ERC2: variants seen among roughly 807,000 people sequenced by gnomAD.
ERC2 encodes the protein ELKS/RAB6-interacting/CAST family member 2, also known as ERC protein 2.
ERC2 carries 42 observed loss-of-function variants against 114.8 expected under a neutral mutation model. That is an observed-to-expected ratio of 0.37 (90% confidence interval 0.29 to 0.47). ERC2 has a LOEUF of 0.47. ERC2 is among the 20% of genes least tolerant of loss of function. The pLI is 0.99. For missense variants in ERC2, 939 were observed against 1,150.7 expected, an observed-to-expected ratio of 0.82 and a Z score of 2.66; for synonymous variants, 454 against 425.5, an observed-to-expected ratio of 1.07 and a Z score of -0.82.
chr3:55,927,928 T>G (rs185877537), intron 13 of ERC2, among the ~76,000 whole-genome samples: 1 of 152,322 alleles, frequency 6.6e-6, no homozygotes, highest in Admixed American at 6.5e-5. Flanking sequence ...TTGTTGCAAA[T>G]GACAGGATCT....
chr3:55,998,655 C>T (rs1015211835), intron 10 of ERC2, among the ~76,000 whole-genome samples: 4 of 152,154 alleles, frequency 2.6e-5, no homozygotes, highest in Non-Finnish European at 5.9e-5. Context: ...AAAGAAACTG[C>T]TATATCCAAA....
rs544171236 is a variant in ERC2 at position 55,604,754 on chromosome 3, T to A, written c.*39+79040A>T. Among the ~76,000 whole-genome samples the A allele has an allele frequency of 2.0e-5, 3 of 152,342 alleles. No homozygotes were observed. In the South Asian group the frequency reaches 6.2e-4, roughly 32 times the overall value. On this transcript the variant is annotated intron_variant, in intron 17 of 17. Transcript: ENST00000288221. ...AAGATCACTCTGCCAACTTGCCTGA[T>A]GAATTTATGCCTTATGCCCTTGATC...
chr3:56,056,277 T>C (rs1240493288), intron 7 of ERC2, among the ~76,000 whole-genome samples: 2 of 152,184 alleles, frequency 1.3e-5, no homozygotes, highest in African/African-American at 4.8e-5. Context: ...AAAGTCCCCA[T>C]AAAGAGAGGG....
intron 14 of ERC2, among the ~76,000 whole-genome samples, chr3:55,813,952 C>T (rs1048856371): frequency 1.1e-4 from 16 of 152,108 alleles, no homozygotes; most frequent in African/African-American, 3.1e-4. Context: ...GGGAATGCTA[C>T]AAAACCCACT....
chr3:56,327,373 C>T (rs200461034), intron 2 of ERC2, among the ~76,000 whole-genome samples: 10 of 152,236 alleles, frequency 6.6e-5, no homozygotes, highest in African/African-American at 9.6e-5. Context: ...GAGAACAGCA[C>T]GGGGGAAACT....
chr3:55,824,252 C>T (rs1298421931), intron 14 of ERC2, among the ~76,000 whole-genome samples: 1 of 152,100 alleles, frequency 6.6e-6, no homozygotes, highest in Non-Finnish European at 1.5e-5. Flanking sequence ...TAATACTATT[C>T]GTGATTCTCC....
chr3:56,050,389 G>A (rs931022116), intron 7 of ERC2, among the ~76,000 whole-genome samples: 5 of 152,226 alleles, frequency 3.3e-5, no homozygotes, highest in Admixed American at 2.6e-4. Flanking sequence ...GAAACAAGCT[G>A]GTGGATTGTT....
chr3:56,112,157 T>C (rs1456546233), intron 6 of ERC2, among the ~76,000 whole-genome samples: 1 of 152,196 alleles, frequency 6.6e-6, no homozygotes, highest in East Asian at 1.9e-4. Context: ...ATCAAGCTAA[T>C]TTAAGTCAAT....
chr3:56,306,628 C>A (rs114332606), intron 2 of ERC2, among the ~76,000 whole-genome samples: 1,901 of 152,254 alleles, frequency 0.012, 17 homozygotes, highest in South Asian at 0.025. Flanking sequence ...TCAGGTGGGG[C>A]AGGGAGGCTC....
At chr3:55,645,064 C>T (rs375685004) in intron 17 of ERC2, among the ~76,000 whole-genome samples, 28 of 152,238 alleles carry the variant, frequency 1.8e-4, no homozygotes, top group Middle Eastern at 3.4e-3. Flanking sequence ...GGGTACTTGT[C>T]TTTGACAGGG....
At position 55,952,759 on chromosome 3, in the gene ERC2, C is replaced by T. The variant is rs74772567; in HGVS notation, c.2268-2199G>A. ...AGATTATTATTACAAACATCATTTG[C>T]ACAGTGAAAGAGCTCCCACAAAGTT... On this transcript the variant is annotated intron_variant, in intron 12 of 17. Coordinates refer to ENST00000288221, the MANE Select transcript of ERC2 (RefSeq NM_015576.3). 7.2e-3 allele frequency among the ~76,000 whole-genome samples: 1,099 copies of T among 152,290 alleles called. 15 individuals carry two copies. The highest frequency in any genetic ancestry group is 0.025 in the African/African-American group (1,031 of 41,550).
intron 2 of ERC2, 59 bp from the exon 3 acceptor site, chr3:56,296,494 G>A: frequency 6.6e-7 from 1 of 1,505,314 alleles, no homozygotes; most frequent in Non-Finnish European, 8.9e-7. Context: ...CAATGAAAAT[G>A]TCAAGTGCCG....
intron 11 of ERC2, among the ~76,000 whole-genome samples, chr3:55,986,590 G>A (rs1274713584): frequency 1.3e-5 from 2 of 152,132 alleles, no homozygotes; most frequent in Non-Finnish European, 2.9e-5. Flanking sequence ...CCTGAGGAGG[G>A]CTTTTGGTGG....
At chr3:56,257,011 G>A (rs1351500000) in intron 3 of ERC2, among the ~76,000 whole-genome samples, 1 of 152,040 alleles carries the variant, frequency 6.6e-6, no homozygotes, top group East Asian at 1.9e-4. Context: ...ACTTACTTTT[G>A]TGACCTTGAA....
At chr3:55,534,832 G>A (rs1158858309) in intron 17 of ERC2, among the ~76,000 whole-genome samples, 3 of 152,202 alleles carry the variant, frequency 2.0e-5, no homozygotes, top group African/African-American at 4.8e-5. Flanking sequence ...GGTGATGACA[G>A]GAGGTTCCCC....
At chr3:55,893,238 C>T (rs2063695850) in intron 13 of ERC2, among the ~76,000 whole-genome samples, 1 of 152,136 alleles carries the variant, frequency 6.6e-6, no homozygotes, top group Admixed American at 6.5e-5. Flanking sequence ...GACTACGACA[C>T]TTAGGAACTT....
In ERC2 at chr3:55,744,908, G is replaced by T. The variant is rs145877961; in HGVS notation, c.2565-9990C>A. ...ATCACGCATGTAAAGATTTTGTTCA[G>T]TGCCTGAGATGACCACACAAGAAAT... On this transcript the variant is annotated intron_variant, in intron 14 of 17. Transcript: ENST00000288221. Among the ~76,000 whole-genome samples the T allele has an allele frequency of 5.7e-3, 873 of 152,300 alleles. 8 individuals are homozygous for T. The highest frequency in any genetic ancestry group is 0.02 in the African/African-American group (817 of 41,560).
chr3:55,764,604 A>G (rs2067653443), intron 14 of ERC2, among the ~76,000 whole-genome samples: 1 of 152,244 alleles, frequency 6.6e-6, no homozygotes. Context: ...AAAAAGCAAA[A>G]TTCTGCTTAG....
At chr3:56,061,109 C>T (rs2149706982) in intron 7 of ERC2, among the ~76,000 whole-genome samples, 1 of 152,266 alleles carries the variant, frequency 6.6e-6, no homozygotes, top group Non-Finnish European at 1.5e-5. Context: ...AGCCTTTATT[C>T]TCAGTTAGAA....
Sources: gnomAD v4.1 joint callset for allele counts (sites outside exome capture counted in the v4.1 genomes callset) on GRCh38, gnomAD v4.1.1 for gene constraint, MANE v1.5 for transcripts, NCBI Gene and HGNC (gene_info 2026-07-23, HGNC 2026-07-21) for gene names.